TULP4: variants seen among roughly 807,000 people sequenced by gnomAD.
TULP4 encodes the protein tubby-related protein 4.
Under a neutral mutation model 129.0 loss-of-function variants are expected in TULP4, and 16 were observed. The ratio of observed to expected loss-of-function variants is 0.12; its 90% CI spans 0.08 to 0.19. TULP4 has a LOEUF of 0.19. Ranked by LOEUF, TULP4 falls within the 10% of genes least tolerant of loss-of-function variation. The probability of loss-of-function intolerance (pLI) is 1.00; values close to 1 mark genes in which losing one functional copy is unlikely to be tolerated. For synonymous variants in TULP4, 998 were observed against 854.0 expected, an observed-to-expected ratio of 1.17 and a Z score of -2.94; for missense variants, 1,842 against 2,059.1, an observed-to-expected ratio of 0.89 and a Z score of 2.04.
chr6:158,429,370 C>T (rs975343112), intron 2 of TULP4, among the ~76,000 whole-genome samples: 5 of 152,236 alleles, frequency 3.3e-5, no homozygotes, highest in African/African-American at 9.6e-5. Flanking sequence ...AACTCCTGAC[C>T]TCAAGTAATC....
At position 158,504,038 on chromosome 6, in the gene TULP4, G is replaced by A; in HGVS notation, c.4375G>A (p.Gly1459Ser). The part of the protein sequence containing the change: ...RASEKEDGRL[G>S]SQGFVYVMAN... ...CAGTGAGAAGGAGGACGGGCGGCTG[G>A]GCAGCCAAGGCTTCGTGTACGTGAT... is the stretch of plus-strand genomic sequence containing the variant. Residue 1459 changes from glycine (G) to serine (S), a missense_variant, in exon 13 of 14, where the codon GGC becomes AGC. Gly to Ser is a moderately conservative substitution (Grantham distance 56). Coordinates refer to ENST00000367097, the MANE Select transcript of TULP4 (RefSeq NM_020245.5). The A allele has an allele frequency of 6.2e-7, 1 of 1,610,218 alleles. No individual in the cohort carries two copies. The highest frequency in any genetic ancestry group is 8.5e-7 in the Non-Finnish European group (1 of 1,178,390).
chr6:158,494,960 G>A (rs569787261), intron 11 of TULP4, 114 bp downstream of exon 11: 1 of 787,542 alleles, frequency 1.3e-6, no homozygotes, highest in South Asian at 2.0e-5. Flanking sequence ...CAAAAGATTA[G>A]CATGTATTTT....
intron 1 of TULP4, among the ~76,000 whole-genome samples, chr6:158,370,643 A>G (rs1454853011): frequency 6.6e-6 from 1 of 152,082 alleles, no homozygotes; most frequent in Non-Finnish European, 1.5e-5. Context: ...TTTACTTGAG[A>G]GGTATTATTA....
At chr6:158,304,708 C>T (rs1779185744) in intron 1 of TULP4, among the ~76,000 whole-genome samples, 1 of 151,618 alleles carries the variant, frequency 6.6e-6, no homozygotes, top group South Asian at 2.1e-4. Context: ...ACTCTGTCAC[C>T]CAGGCTGAAG....
chr6:158,312,088 C>A (rs1222952705), upstream of TULP4: 1 of 395,474 alleles, frequency 2.5e-6, no homozygotes, highest in Non-Finnish European at 4.4e-6. Context: ...CGTGAATAAT[C>A]TGATGGTTCC....
intron 6 of TULP4, among the ~76,000 whole-genome samples, chr6:158,475,614 G>A (rs1014904415): frequency 7.2e-5 from 11 of 152,178 alleles, no homozygotes; most frequent in African/African-American, 1.7e-4. Flanking sequence ...CCTAGTAGGC[G>A]GAGGTTCTTA....
chr6:158,310,310 T>C (rs1583729754), upstream of TULP4: 1 of 128,204 alleles, frequency 7.8e-6, no homozygotes, highest in South Asian at 2.8e-4. Flanking sequence ...AGGTGGGAGG[T>C]GCTACACTTT....
intron 2 of TULP4, among the ~76,000 whole-genome samples, chr6:158,418,298 G>A (rs887766092): frequency 6.6e-6 from 1 of 151,736 alleles, no homozygotes; most frequent in Non-Finnish European, 1.5e-5. Flanking sequence ...AGTAGAGACA[G>A]GGTTTCACCA....
In TULP4 at chr6:158,494,747, C is replaced by T. The variant is rs1345974103; in HGVS notation, c.1777-6C>T. 1 of 1,609,898 alleles carries T rather than the reference C, an allele frequency of 6.2e-7. No homozygotes were observed. The highest frequency in any genetic ancestry group is 8.5e-7 in the Non-Finnish European group (1 of 1,177,838). On this transcript the variant is annotated splice_region_variant and splice_polypyrimidine_tract_variant and intron_variant, in intron 10 of 13. Coordinates refer to ENST00000367097, the MANE Select transcript of TULP4 (RefSeq NM_020245.5). ...ATTCTTCTTTTTTCTTTTCTTCCTA[C>T]CGCAGCACAACTATCTTGCTCAGGT...
intron 1 of TULP4, among the ~76,000 whole-genome samples, chr6:158,397,092 G>C (rs991640761): frequency 6.6e-6 from 1 of 152,202 alleles, no homozygotes; most frequent in African/African-American, 2.4e-5. Context: ...TGAGCAACCA[G>C]AGGGAATCCA....
Position 158,422,372 on chromosome 6 carries a change from A to G in TULP4, c.382-7364A>G, listed in dbSNP as rs141883501. 5.2e-3 allele frequency among the ~76,000 whole-genome samples: 798 copies of G among 152,368 alleles called. 11 individuals are homozygous for G. Among genetic ancestry groups the G allele is most frequent in the African/African-American group, 0.018 (757 of 41,594 alleles). ...AATGGGGGAAAGGTAAATCTTTTCA[A>G]CAAATGGTGCTGAAACAACTGAATA... On this transcript the variant is annotated intron_variant, in intron 2 of 13. Transcript: ENST00000367097.
rs74199053 is a variant in TULP4, at chr6:158,245,135, A to G, written n.68+12832A>G. 3.3e-5 allele frequency among the ~76,000 whole-genome samples: 5 copies of G among 150,726 alleles called. No individual in the cohort carries two copies. The East Asian group carries it at 7.8e-4, about 23-fold the overall frequency. ...TCTGAGTAGCTGGGACTACGGGCAC[A>G]TATCACCACACCTGGTCAATTAAAT... is the stretch of plus-strand genomic sequence containing the variant. On this transcript the variant is annotated intron_variant and non_coding_transcript_variant, in intron 1 of 1. Transcript: ENST00000620026.
chr6:158,356,016 C>A (rs1488592073), intron 1 of TULP4, among the ~76,000 whole-genome samples: 1 of 152,090 alleles, frequency 6.6e-6, no homozygotes, highest in Non-Finnish European at 1.5e-5. Context: ...GGTGAGAAAT[C>A]TTGATTGTGG....
intron 1 of TULP4, among the ~76,000 whole-genome samples, chr6:158,349,772 C>A (rs1449855539): frequency 7.5e-6 from 1 of 133,756 alleles, no homozygotes; most frequent in Non-Finnish European, 1.6e-5. Context: ...CAGAGGCACT[C>A]CTCACTTCCT....
chr6:158,279,475 C>T (rs1370150314), upstream of TULP4, among the ~76,000 whole-genome samples: 1 of 152,142 alleles, frequency 6.6e-6, no homozygotes, highest in Admixed American at 6.6e-5. Context: ...CGGTAATATT[C>T]TGTTTGACAC....
chr6:158,280,857 C>T (rs1224751962), upstream of TULP4, among the ~76,000 whole-genome samples: 1 of 152,170 alleles, frequency 6.6e-6, no homozygotes, highest in Admixed American at 6.5e-5. Context: ...ATGTTCGGCA[C>T]TCAAGTGTTT....
chr6:158,412,917 T>A (rs1778129029), intron 1 of TULP4, 148 bp from the exon 2 acceptor site: 1 of 1,120,998 alleles, frequency 8.9e-7, no homozygotes, highest in Non-Finnish European at 1.2e-6. Flanking sequence ...GAGCTCTGTC[T>A]GTTCCCTGCC....
chr6:158,290,603 C>T (rs1778920378), intron 1 of TULP4, among the ~76,000 whole-genome samples: 1 of 151,864 alleles, frequency 6.6e-6, no homozygotes, highest in South Asian at 2.1e-4. Context: ...CTGTTTTTAC[C>T]CCTCCAGTGA....
At chr6:158,499,689 C>T (rs1330585963) in intron 12 of TULP4, among the ~76,000 whole-genome samples, 1 of 152,126 alleles carries the variant, frequency 6.6e-6, no homozygotes, top group Non-Finnish European at 1.5e-5. Context: ...AGACATGGAC[C>T]GTGACTTCTC....
Sources: allele counts gnomAD v4.1 joint callset (sites outside exome capture counted in the v4.1 genomes callset), GRCh38; gene constraint gnomAD v4.1.1; transcripts MANE v1.5; gene names NCBI Gene and HGNC (gene_info 2026-07-23, HGNC 2026-07-21).